The following INTU variants were observed in gnomAD, a reference collection of about 807,000 sequenced individuals.
INTU encodes inturned planar cell polarity protein.
In INTU, 68 loss-of-function variants were observed where a neutral mutation model predicts 100.5. That is an observed-to-expected ratio of 0.68 (90% CI 0.56 to 0.83). The LOEUF is 0.83. Ranked by LOEUF, INTU falls within the 40% of genes least tolerant of loss-of-function variation. The pLI, the probability that INTU is intolerant of heterozygous loss-of-function variation, is 0.00. For missense variants in INTU, 1,071 were observed against 1,114.7 expected, an observed-to-expected ratio of 0.96 and a Z score of 0.56; for synonymous variants, 357 against 395.7, an observed-to-expected ratio of 0.90 and a Z score of 1.16.
chr4:127,691,794 C>T (rs1280348626), intron 8 of INTU, among the ~76,000 whole-genome samples: 1 of 151,658 alleles, frequency 6.6e-6, no homozygotes, highest in Admixed American at 6.6e-5. Context: ...ATTCTTATGC[C>T]TTTGCATCCT....
chr4:127,721,751 A>G lies in INTU; in HGVS notation c.*5315A>G, dbSNP rs968248430. 1.3e-5 allele frequency: 2 copies of G among 152,020 alleles called. No homozygotes were observed. 9.4% of individuals were successfully genotyped at this position (152,020 alleles called of 1,614,324 possible). On this transcript the variant is annotated 3_prime_UTR_variant, in exon 16 of 16. Coordinates refer to ENST00000335251, the MANE Select transcript of INTU (RefSeq NM_015693.4). Reference sequence around the variant, plus strand: ...AACTCTGATATCCTTTCTTCCACTTAGTCTATTTGGCTATGGATACTTGTG... The same window carrying G: ...AACTCTGATATCCTTTCTTCCACTTGGTCTATTTGGCTATGGATACTTGTG...
intron 13 of INTU, among the ~76,000 whole-genome samples, chr4:127,709,336 C>T (rs953755062): frequency 3.3e-5 from 5 of 151,318 alleles, no homozygotes; most frequent in African/African-American, 9.7e-5. Flanking sequence ...TCACTACACC[C>T]CTACAGCTGT....
Position 127,716,695 on chromosome 4 carries a change from GTTAA to G in INTU, c.*262_*265del. 4.4e-6 allele frequency: 1 copy of G among 227,140 alleles called. No homozygotes were observed. Among genetic ancestry groups the G allele is most frequent in the Non-Finnish European group, 8.5e-6 (1 of 117,652 alleles). 14.1% of individuals were successfully genotyped at this position (227,140 alleles called of 1,614,324 possible). ...ACTTATTGCTATTTTGGTATATAAT[GTTAA>G]TTTATTGACTAGTTTGAAATAATGT... is the stretch of plus-strand genomic sequence containing the variant. On this transcript the variant is annotated 3_prime_UTR_variant, in exon 16 of 16. Transcript: ENST00000335251.
chr4:127,661,388 T>C (rs1728469811), intron 3 of INTU, among the ~76,000 whole-genome samples: 1 of 152,160 alleles, frequency 6.6e-6, no homozygotes, highest in African/African-American at 2.4e-5. Context: ...GGTTGCACCC[T>C]ACCTCTCCAC....
Position 127,725,077 on chromosome 4 carries a change from G to C in INTU, c.*8641G>C, listed in dbSNP as rs999725616. The C allele has an allele frequency of 1.3e-5, 2 of 150,590 alleles. No homozygotes were observed. Among genetic ancestry groups the C allele is most frequent in the Non-Finnish European group, 2.9e-5 (2 of 67,926 alleles). 9.3% of individuals were successfully genotyped at this position (150,590 alleles called of 1,614,324 possible). Reference sequence around the variant, plus strand: ...GAGGCAGGCAGATCACTTGAGGTCAGGCGTTTGAGACCAGGCTGGTCAACA... The same window carrying C: ...GAGGCAGGCAGATCACTTGAGGTCACGCGTTTGAGACCAGGCTGGTCAACA... On this transcript the variant is annotated 3_prime_UTR_variant, in exon 16 of 16. Transcript: ENST00000335251.
At chr4:127,697,958 T>C (rs1730468484) in intron 8 of INTU, among the ~76,000 whole-genome samples, 2 of 152,030 alleles carry the variant, frequency 1.3e-5, no homozygotes, top group Admixed American at 6.6e-5. Flanking sequence ...CCGTCTCTAC[T>C]AAAAATACAA....
chr4:127,643,344 T>C (rs1727416012), intron 1 of INTU, among the ~76,000 whole-genome samples, 177 bp from the exon 2 acceptor site: 2 of 152,158 alleles, frequency 1.3e-5, no homozygotes, highest in African/African-American at 4.8e-5. Flanking sequence ...CTATATGAAA[T>C]AATGTTGAGG....
rs1731362824 is a variant in INTU at position 127,722,695 on chromosome 4, T to C, written c.*6259T>C. ...CCTGTCCAGTGAAGAGGAGTGAATC[T>C]GGGTTCCACCCCATCTCGCCGGCGC... On this transcript the variant is annotated 3_prime_UTR_variant, in exon 16 of 16. Transcript: ENST00000335251. 6.6e-6 allele frequency: 1 copy of C among 152,334 alleles called. No individual in the cohort carries two copies. Among genetic ancestry groups the C allele is most frequent in the South Asian group, 2.1e-4 (1 of 4,834 alleles). 9.4% of individuals were successfully genotyped at this position (152,334 alleles called of 1,614,324 possible). A position where few individuals can be genotyped will look rare whatever the true frequency, so the allele number is the denominator to read the frequency against.
At chr4:127,653,169 C>T (rs947452019) in intron 2 of INTU, among the ~76,000 whole-genome samples, 5 of 144,732 alleles carry the variant, frequency 3.5e-5, no homozygotes, top group African/African-American at 1.3e-4. Flanking sequence ...TTTCAAAAAA[C>T]CAGCTCCTGG....
At chr4:127,636,458 A>G (rs1158791788) in intron 1 of INTU, among the ~76,000 whole-genome samples, 1 of 151,748 alleles carries the variant, frequency 6.6e-6, no homozygotes, top group African/African-American at 2.4e-5. Flanking sequence ...TAAAGATACA[A>G]AAAATTAGCC....
At chr4:127,650,928 T>C (rs1338286810) in intron 2 of INTU, among the ~76,000 whole-genome samples, 1 of 152,214 alleles carries the variant, frequency 6.6e-6, no homozygotes, top group African/African-American at 2.4e-5. Flanking sequence ...TGGTGTGAGA[T>C]GGTATCTCAT....
Position 127,716,610 on chromosome 4 carries a change from T to C in INTU, c.*174T>C, listed in dbSNP as rs1342599109. ...TTGGATTTGATACATTAAATCTTAA[T>C]GTAATATTGTAAGACTTTTGAGAAT... On this transcript the variant is annotated 3_prime_UTR_variant, in exon 16 of 16. Coordinates refer to ENST00000335251, the MANE Select transcript of INTU (RefSeq NM_015693.4). 1.1e-5 allele frequency: 4 copies of C among 364,066 alleles called. No homozygotes were observed. Among genetic ancestry groups the C allele is most frequent in the Non-Finnish European group, 2.0e-5 (4 of 203,478 alleles). 22.6% of individuals were successfully genotyped at this position (364,066 alleles called of 1,614,324 possible). A position where few individuals can be genotyped will look rare whatever the true frequency, so the allele number is the denominator to read the frequency against.
chr4:127,712,021 T>TA (rs1731114001), intron 14 of INTU, among the ~76,000 whole-genome samples: 1 of 152,222 alleles, frequency 6.6e-6, no homozygotes. Flanking sequence ...GGATAAAACT[T>TA]ACAGAGGTTT....
intron 1 of INTU, among the ~76,000 whole-genome samples, chr4:127,640,224 A>G (rs892555807): frequency 4.6e-5 from 7 of 152,030 alleles, no homozygotes; most frequent in African/African-American, 1.7e-4. Flanking sequence ...GCTATAATCT[A>G]TTTTCAAGAA....
At chr4:127,646,458 C>T (rs1172740349) in intron 2 of INTU, among the ~76,000 whole-genome samples, 2 of 152,108 alleles carry the variant, frequency 1.3e-5, no homozygotes, top group Non-Finnish European at 2.9e-5. Context: ...TGTGTGCTTC[C>T]ATCAGGAACA....
Position 127,706,876 on chromosome 4 carries a change from T to C in INTU, c.2178T>C (p.Asp726=). The C allele has an allele frequency of 1.2e-6, 2 of 1,614,076 alleles. No individual in the cohort carries two copies. Among genetic ancestry groups the C allele is most frequent in the Admixed American group, 1.7e-5 (1 of 59,990 alleles). ...SDNGCEGGED[D]GFSPHTTPDA... ...ATGGTTGTGAAGGTGGAGAAGATGA[T>C]GGCTTTAGCCCCCATACTACACCGG... is the stretch of plus-strand genomic sequence containing the variant. Residue 726 remains aspartate (D), a synonymous_variant, in exon 12 of 16, where the codon GAT becomes GAC. Transcript: ENST00000335251.
At chr4:127,688,775 A>G (rs1431417481) in intron 8 of INTU, among the ~76,000 whole-genome samples, 1 of 152,168 alleles carries the variant, frequency 6.6e-6, no homozygotes, top group African/African-American at 2.4e-5. Flanking sequence ...TGTGCCCGGC[A>G]CATTGTAGTT....
intron 5 of INTU, among the ~76,000 whole-genome samples, chr4:127,673,226 G>T (rs571397735): frequency 1.5e-4 from 23 of 152,096 alleles, no homozygotes; most frequent in Non-Finnish European, 2.5e-4. Context: ...CACCCATGCT[G>T]GAGTGCATGG....
chr4:127,678,405 G>A (rs544592027), intron 6 of INTU, among the ~76,000 whole-genome samples: 134 of 152,244 alleles, frequency 8.8e-4, no homozygotes, highest in South Asian at 2.9e-3. Flanking sequence ...TGGATCTCTC[G>A]GCAGAAACCC....
Sources: gnomAD v4.1 joint callset for allele counts (sites outside exome capture counted in the v4.1 genomes callset) on GRCh38, gnomAD v4.1.1 for gene constraint, MANE v1.5 for transcripts, NCBI Gene and HGNC (gene_info 2026-07-23, HGNC 2026-07-21) for gene names.